Variants in FARS2 observed in about 807,000 individuals in gnomAD.
FARS2 encodes phenylalanyl-tRNA synthetase 2, mitochondrial.
Under a neutral mutation model 46.4 loss-of-function variants are expected in FARS2, and 40 were observed. The observed-to-expected ratio is 0.86, with a 90% confidence interval of 0.67 to 1.12. The LOEUF is 1.12. FARS2 is among the 50% of genes most tolerant of loss of function. FARS2 has a pLI of 0.00. For synonymous variants in FARS2, 234 were observed against 214.9 expected (o/e 1.09, Z -0.78); for missense variants, 513 against 567.9 (o/e 0.90, Z 0.98).
intron 5 of FARS2, among the ~76,000 whole-genome samples, chr6:5,592,212 C>G (rs1198710359): frequency 6.6e-6 from 1 of 152,054 alleles, no homozygotes; most frequent in African/African-American, 2.4e-5. Context: ...TGGGAAAACT[C>G]CATCTCTACA....
chr6:5,671,979 T>C (rs1778490838), intron 6 of FARS2, among the ~76,000 whole-genome samples: 2 of 152,218 alleles, frequency 1.3e-5, no homozygotes, highest in South Asian at 4.1e-4. Flanking sequence ...GACATTGTCC[T>C]ACTTTTCCAC....
At chr6:5,335,879 A>G (rs1258382192) in intron 1 of FARS2, among the ~76,000 whole-genome samples, 1 of 152,212 alleles carries the variant, frequency 6.6e-6, no homozygotes, top group Non-Finnish European at 1.5e-5. Flanking sequence ...TGTGTAGTAG[A>G]TAGTGATACC....
At chr6:5,475,023 A>G (rs1448010908) in intron 4 of FARS2, among the ~76,000 whole-genome samples, 1 of 152,212 alleles carries the variant, frequency 6.6e-6, no homozygotes. Context: ...TTACCAAAAC[A>G]TTGTTACTTG....
At chr6:5,540,032 C>T (rs574817816) in intron 4 of FARS2, among the ~76,000 whole-genome samples, 3 of 152,316 alleles carry the variant, frequency 2.0e-5, no homozygotes, top group African/African-American at 7.2e-5. Context: ...AACCATGGGG[C>T]TCCCTCTTAT....
intron 6 of FARS2, among the ~76,000 whole-genome samples, chr6:5,737,504 C>CT (rs1761029347): frequency 6.6e-6 from 1 of 152,216 alleles, no homozygotes; most frequent in African/African-American, 2.4e-5. Flanking sequence ...GCAGTCCAGC[C>CT]TGGGCGACAG....
At chr6:5,726,880 A>G (rs1409694892) in intron 6 of FARS2, among the ~76,000 whole-genome samples, 1 of 152,244 alleles carries the variant, frequency 6.6e-6, no homozygotes, top group African/African-American at 2.4e-5. Context: ...CCTCAGGATC[A>G]TGGCCCTTCC....
intron 1 of FARS2, among the ~76,000 whole-genome samples, chr6:5,348,628 C>T (rs1757389133): frequency 6.6e-6 from 1 of 150,974 alleles, no homozygotes. Context: ...AAATGCTCTT[C>T]TATGAATATC....
At chr6:5,334,188 T>G (rs1235578100) in intron 1 of FARS2, among the ~76,000 whole-genome samples, 1 of 152,200 alleles carries the variant, frequency 6.6e-6, no homozygotes, top group African/African-American at 2.4e-5. Flanking sequence ...ACTATTGTAG[T>G]AAAACTACTT....
intron 6 of FARS2, among the ~76,000 whole-genome samples, chr6:5,620,350 A>G (rs1775706419): frequency 6.6e-6 from 1 of 152,190 alleles, no homozygotes; most frequent in African/African-American, 2.4e-5. Context: ...AAAGTTTCAT[A>G]AAATTGTACT....
intron 1 of FARS2, among the ~76,000 whole-genome samples, chr6:5,338,377 C>T (rs944378394): frequency 2.6e-5 from 4 of 152,202 alleles, no homozygotes; most frequent in Middle Eastern, 3.4e-3. Context: ...GGTGTGTTTT[C>T]GTCTCCCTTT....
Position 5,639,999 on chromosome 6 carries a change from C to T in FARS2, c.1217+26679C>T, listed in dbSNP as rs958218788. Among the ~76,000 whole-genome samples the T allele has an allele frequency of 3.9e-5, 6 of 152,236 alleles. No homozygotes were observed. In the East Asian group the frequency reaches 7.7e-4, roughly 20 times the overall value. On this transcript the variant is annotated intron_variant, in intron 6 of 6. Coordinates refer to ENST00000274680, the MANE Select transcript of FARS2 (RefSeq NM_006567.5). ...TTTCGGAAAAACGTTTTTTTAACAT[C>T]GGGATCCATTTTGCCATATCTGTTC... is the stretch of plus-strand genomic sequence containing the variant.
At chr6:5,444,092 C>CGT (rs35213574) in intron 4 of FARS2, among the ~76,000 whole-genome samples, 17,776 of 145,802 alleles carry the variant, frequency 0.12, 1,233 homozygotes, top group Middle Eastern at 0.23. Context: ...GGAAGATCCT[C>CGT]GTGTGTGTGT....
At chr6:5,256,001 AT>A in the FARS2 span, among the ~76,000 whole-genome samples, 2 of 151,898 alleles carry the variant, frequency 1.3e-5, no homozygotes, top group Admixed American at 1.3e-4. Flanking sequence ...TAAGTACTTG[AT>A]GTGTATTAAC....
intron 6 of FARS2, among the ~76,000 whole-genome samples, chr6:5,668,686 G>GTTTTTTTT (rs58819474): frequency 7.5e-5 from 4 of 53,428 alleles, no homozygotes; most frequent in African/African-American, 2.0e-4. Flanking sequence ...GTGTGTTTGG[G>GTTTTTTTT]TTTTTTTTTT....
At chr6:5,253,653 G>A in the FARS2 span, among the ~76,000 whole-genome samples, 12 of 152,074 alleles carry the variant, frequency 7.9e-5, no homozygotes, top group African/African-American at 1.7e-4. Flanking sequence ...TGAAGATGAG[G>A]AGCCTAGTCG....
chr6:5,755,438 T>A (rs1762157977), intron 6 of FARS2, among the ~76,000 whole-genome samples: 1 of 150,820 alleles, frequency 6.6e-6, no homozygotes, highest in Non-Finnish European at 1.5e-5. Flanking sequence ...GAACATGTGG[T>A]GTTTAGTTTT....
At chr6:5,768,220 A>C (rs1455423562) in intron 6 of FARS2, among the ~76,000 whole-genome samples, 3 of 152,202 alleles carry the variant, frequency 2.0e-5, no homozygotes, top group African/African-American at 7.2e-5. Flanking sequence ...ACTTGATTCT[A>C]TTGAATTCAA....
At chr6:5,553,797 A>G (rs987372358) in intron 5 of FARS2, among the ~76,000 whole-genome samples, 8 of 152,144 alleles carry the variant, frequency 5.3e-5, no homozygotes, top group Non-Finnish European at 1.0e-4. Context: ...GGTGCCTGGG[A>G]TTCTGCATTT....
At chr6:5,365,784 GA>G (rs1472921873) in intron 1 of FARS2, among the ~76,000 whole-genome samples, 1 of 151,990 alleles carries the variant, frequency 6.6e-6, no homozygotes, top group African/African-American at 2.4e-5. Flanking sequence ...ATAAACAATT[GA>G]TTAACACATA....
Sources: gnomAD v4.1 joint callset for allele counts (sites outside exome capture counted in the v4.1 genomes callset) on GRCh38, gnomAD v4.1.1 for gene constraint, MANE v1.5 for transcripts, NCBI Gene and HGNC (gene_info 2026-07-23, HGNC 2026-07-21) for gene names.